The following TDRD10 variants were observed in gnomAD, a reference collection of about 807,000 sequenced individuals.
The protein encoded by TDRD10 is tudor domain-containing protein 10.
A neutral mutation model predicts 48.0 loss-of-function variants in TDRD10; 40 were observed. That is an observed-to-expected ratio of 0.83 (90% CI 0.65 to 1.09). TDRD10 has a LOEUF of 1.09. TDRD10 is among the 50% of genes least tolerant of loss of function. TDRD10 has a pLI of 0.00. For synonymous variants in TDRD10, 162 were observed against 170.4 expected (o/e 0.95, Z 0.38); for missense variants, 378 against 434.7 (o/e 0.87, Z 1.16).
chr1:154,504,323 T>G (rs1261838592), intron 1 of TDRD10, among the ~76,000 whole-genome samples: 1 of 152,272 alleles, frequency 6.6e-6, no homozygotes, highest in Non-Finnish European at 1.5e-5. Flanking sequence ...GCAACACTGC[T>G]ATGAATATTT....
chr1:154,522,531 C>A (rs142429134), intron 6 of TDRD10, among the ~76,000 whole-genome samples: 1 of 152,072 alleles, frequency 6.6e-6, no homozygotes, highest in South Asian at 2.1e-4. Flanking sequence ...GTGGCCCAGG[C>A]GCACTGGCTC....
chr1:154,507,966 C>T (rs1239786041), intron 3 of TDRD10, among the ~76,000 whole-genome samples: 1 of 152,186 alleles, frequency 6.6e-6, no homozygotes, highest in Admixed American at 6.5e-5. Context: ...GGAAGCACAA[C>T]CCCGTGGGTC....
chr1:154,502,595 C>T lies in TDRD10; in HGVS notation c.-462C>T, dbSNP rs1306172339. 6.6e-6 allele frequency: 1 copy of T among 152,226 alleles called. No individual in the cohort carries two copies. Among genetic ancestry groups the T allele is most frequent in the African/African-American group, 2.4e-5 (1 of 41,454 alleles). 9.4% of individuals were successfully genotyped at this position (152,226 alleles called of 1,614,324 possible). A position where few individuals can be genotyped will look rare whatever the true frequency, so the allele number is the denominator to read the frequency against. ...GGCCGCACGTGCGGATCGGCCGCGC[C>T]CCACTGAGCAGAGAGCCCCCTTCTG... On this transcript the variant is annotated 5_prime_UTR_variant, in exon 1 of 13. Coordinates refer to ENST00000368482, the MANE Select transcript of TDRD10 (RefSeq NM_182499.4).
intron 4 of TDRD10, among the ~76,000 whole-genome samples, chr1:154,512,469 C>G (rs184300205): frequency 6.6e-6 from 1 of 152,002 alleles, no homozygotes; most frequent in African/African-American, 2.4e-5. Flanking sequence ...TTCAGTCTCC[C>G]GAGTAGCTGG....
At chr1:154,518,457 T>G (rs942444380) in intron 4 of TDRD10, among the ~76,000 whole-genome samples, 1 of 152,194 alleles carries the variant, frequency 6.6e-6, no homozygotes, top group Non-Finnish European at 1.5e-5. Flanking sequence ...AGACGGAGTC[T>G]TGCTCTGTCA....
In TDRD10 at chr1:154,547,217, A is replaced by AC. The variant is rs531421423; in HGVS notation, c.953-190dup. ...TGTTATTTTGCCCTCCCCCTATGCT[A>AC]CCTTTTCAGCATTTATCATCTCATT... On this transcript the variant is annotated intron_variant, in intron 11 of 12. Transcript: ENST00000368482. Among the ~76,000 whole-genome samples the AC allele has an allele frequency of 2.6e-3, 390 of 152,108 alleles. 3 individuals carry two copies. The highest frequency in any genetic ancestry group is 8.9e-3 in the African/African-American group (371 of 41,484).
chr1:154,519,452 C>T (rs1396287719), intron 4 of TDRD10, among the ~76,000 whole-genome samples: 2 of 152,220 alleles, frequency 1.3e-5, no homozygotes, highest in East Asian at 3.9e-4. Flanking sequence ...TAATCATTAA[C>T]ACTCTTGTGG....
intron 9 of TDRD10, 49 bp downstream of exon 9, chr1:154,544,159 G>A: frequency 2.5e-6 from 4 of 1,612,486 alleles, no homozygotes; most frequent in African/African-American, 2.7e-5. Context: ...TTCCTGCGTG[G>A]CCTCCCTAGG....
chr1:154,515,303 T>G (rs1233964431), intron 4 of TDRD10, among the ~76,000 whole-genome samples: 1 of 152,070 alleles, frequency 6.6e-6, no homozygotes, highest in Non-Finnish European at 1.5e-5. Flanking sequence ...CAGCCAGCTC[T>G]TCTTGCTTCT....
chr1:154,541,883 C>T, intron 6 of TDRD10, 141 bp from the exon 7 acceptor site: 1 of 733,474 alleles, frequency 1.4e-6, no homozygotes, highest in South Asian at 2.0e-5. Flanking sequence ...GGACGGATGT[C>T]TCAAAAGTCA....
chr1:154,515,413 G>A (rs1693707023), intron 4 of TDRD10, among the ~76,000 whole-genome samples: 1 of 152,170 alleles, frequency 6.6e-6, no homozygotes, highest in African/African-American at 2.4e-5. Flanking sequence ...GCCTCCAGTG[G>A]CTTCCCTTCT....
chr1:154,544,990 A>G, intron 11 of TDRD10, 41 bp downstream of exon 11: 1 of 1,604,084 alleles, frequency 6.2e-7, no homozygotes, highest in Non-Finnish European at 8.5e-7. Flanking sequence ...TTTCAGGGAC[A>G]GGAGAAGCCA....
intron 10 of TDRD10, 36 bp downstream of exon 10, chr1:154,544,553 G>C (rs1695444582): frequency 1.3e-6 from 2 of 1,595,848 alleles, no homozygotes; most frequent in African/African-American, 2.7e-5. Context: ...CTATGGGAGA[G>C]GCGTGCAGGG....
chr1:154,521,509 C>T (rs757632876), intron 6 of TDRD10, 30 bp downstream of exon 6: 5 of 1,607,220 alleles, frequency 3.1e-6, no homozygotes, highest in Middle Eastern at 2.0e-4. Flanking sequence ...TGCTCTGGGG[C>T]GTTCCATTTT....
At chr1:154,532,850 C>CT (rs887521031) in intron 6 of TDRD10, among the ~76,000 whole-genome samples, 5 of 152,220 alleles carry the variant, frequency 3.3e-5, no homozygotes, top group African/African-American at 1.2e-4. Flanking sequence ...TACTCAGCCT[C>CT]TAAGGCGGCA....
chr1:154,544,146 G>T, intron 9 of TDRD10, 36 bp downstream of exon 9: 1 of 1,613,608 alleles, frequency 6.2e-7, no homozygotes, highest in Non-Finnish European at 8.5e-7. Context: ...AGGCTCCTGT[G>T]CCTTCCTGCG....
chr1:154,532,246 G>T (rs1177679776), intron 6 of TDRD10, among the ~76,000 whole-genome samples: 1 of 152,212 alleles, frequency 6.6e-6, no homozygotes, highest in Non-Finnish European at 1.5e-5. Context: ...CTGCGGGGAG[G>T]CAGCTAAGGC....
chr1:154,540,321 A>G (rs1054986080), intron 6 of TDRD10, among the ~76,000 whole-genome samples: 5 of 151,744 alleles, frequency 3.3e-5, no homozygotes, highest in African/African-American at 4.8e-5. Flanking sequence ...TGGCTTGCTG[A>G]TGAATTTGAC....
At chr1:154,543,470 T>G (rs1239330448) in intron 8 of TDRD10, among the ~76,000 whole-genome samples, 1 of 152,082 alleles carries the variant, frequency 6.6e-6, no homozygotes, top group African/African-American at 2.4e-5. Flanking sequence ...TGCTGTAGGG[T>G]GTCATTAGCC....
Sources: allele counts gnomAD v4.1 joint callset (sites outside exome capture counted in the v4.1 genomes callset), GRCh38; gene constraint gnomAD v4.1.1; transcripts MANE v1.5; gene names NCBI Gene and HGNC (gene_info 2026-07-23, HGNC 2026-07-21).